Variants in UNC5C observed in about 807,000 individuals in gnomAD.
UNC5C encodes the protein unc-5 netrin receptor C, also known as netrin receptor UNC5C.
A neutral mutation model predicts 99.8 loss-of-function variants in UNC5C; 47 were observed. The ratio of observed to expected loss-of-function variants is 0.47; its 90% CI spans 0.37 to 0.60. The LOEUF is 0.60. Ranked by LOEUF, UNC5C falls within the 20% of genes least tolerant of loss-of-function variation. UNC5C has a pLI of 0.00. For missense variants in UNC5C, 1,062 were observed against 1,165.9 expected, an observed-to-expected ratio of 0.91 and a Z score of 1.30; for synonymous variants, 487 against 452.2, an observed-to-expected ratio of 1.08 and a Z score of -0.98.
chr4:95,328,869 C>T (rs1280767239), intron 2 of UNC5C, among the ~76,000 whole-genome samples: 1 of 152,166 alleles, frequency 6.6e-6, no homozygotes, highest in Non-Finnish European at 1.5e-5. Context: ...CTGCTGCAGG[C>T]TGGTAAAGGG....
chr4:95,432,685 A>G (rs1200005146), intron 1 of UNC5C, among the ~76,000 whole-genome samples: 1 of 152,120 alleles, frequency 6.6e-6, no homozygotes, highest in African/African-American at 2.4e-5. Context: ...CCCCTGATTT[A>G]CTGATTTAAT....
At chr4:95,499,022 A>G (rs988076226) in intron 1 of UNC5C, among the ~76,000 whole-genome samples, 4 of 152,098 alleles carry the variant, frequency 2.6e-5, no homozygotes, top group East Asian at 1.9e-4. Flanking sequence ...CCTCATGGAC[A>G]TGGAAGAAAA....
Position 95,359,482 on chromosome 4 carries a change from T to C in UNC5C, c.125-23851A>G, listed in dbSNP as rs1024528827. ...AGTTTAATAATTGCTACCTATACTG[T>C]TTCTAAAAAAAAAAAAGGTGAGAGA... On this transcript the variant is annotated intron_variant, in intron 1 of 15. Coordinates refer to ENST00000453304, the MANE Select transcript of UNC5C (RefSeq NM_003728.4). Among the ~76,000 whole-genome samples the C allele has an allele frequency of 2.1e-5, 3 of 145,586 alleles. No homozygotes were observed. In the South Asian group the frequency reaches 6.6e-4, roughly 32 times the overall value.
chr4:95,313,384 G>A (rs137942301), intron 2 of UNC5C, among the ~76,000 whole-genome samples: 73 of 152,012 alleles, frequency 4.8e-4, no homozygotes, highest in Non-Finnish European at 8.5e-4. Flanking sequence ...AGTAAACAAG[G>A]ATACACTGAC....
At chr4:95,231,285 A>G (rs113254004) in intron 7 of UNC5C, among the ~76,000 whole-genome samples, 14 of 152,146 alleles carry the variant, frequency 9.2e-5, no homozygotes, top group African/African-American at 3.4e-4. Flanking sequence ...TATGACCTTA[A>G]TACCCGTAAA....
intron 1 of UNC5C, among the ~76,000 whole-genome samples, chr4:95,398,976 T>G (rs1745605523): frequency 6.6e-6 from 1 of 152,170 alleles, no homozygotes; most frequent in Non-Finnish European, 1.5e-5. Context: ...CTCCATGAAT[T>G]CTCTGAATAA....
At chr4:95,530,884 C>T (rs1370736192) in intron 1 of UNC5C, among the ~76,000 whole-genome samples, 4 of 152,068 alleles carry the variant, frequency 2.6e-5, no homozygotes, top group Admixed American at 2.0e-4. Context: ...AATCAAGATT[C>T]GATGACCTTT....
chr4:95,405,586 T>G (rs988125069), intron 1 of UNC5C, among the ~76,000 whole-genome samples: 16 of 152,178 alleles, frequency 1.1e-4, no homozygotes, highest in African/African-American at 3.9e-4. Flanking sequence ...AAGAAAATCC[T>G]TGAAATCTCA....
chr4:95,278,421 G>C, intron 3 of UNC5C, 59 bp from the exon 4 acceptor site: 1 of 1,426,272 alleles, frequency 7.0e-7, no homozygotes. Context: ...CTCATTTACA[G>C]AGAGTACAAA....
intron 13 of UNC5C, among the ~76,000 whole-genome samples, chr4:95,184,613 T>C (rs187984520): frequency 4.1e-4 from 62 of 152,322 alleles, no homozygotes; most frequent in Admixed American, 9.2e-4. Flanking sequence ...TTACATGCTA[T>C]TTCAGTTCTC....
chr4:95,534,928 G>A (rs551458286), intron 1 of UNC5C, among the ~76,000 whole-genome samples: 1 of 152,210 alleles, frequency 6.6e-6, no homozygotes, highest in Non-Finnish European at 1.5e-5. Context: ...CAGTGAGGAA[G>A]GTTAATTGTT....
intron 1 of UNC5C, among the ~76,000 whole-genome samples, chr4:95,472,980 G>A (rs1748020400): frequency 6.6e-6 from 1 of 150,902 alleles, no homozygotes; most frequent in African/African-American, 2.4e-5. Flanking sequence ...TATCCCTTAT[G>A]CTCCACTGAA....
intron 7 of UNC5C, among the ~76,000 whole-genome samples, chr4:95,220,633 T>C (rs1158615910): frequency 1.3e-5 from 2 of 152,202 alleles, no homozygotes; most frequent in Non-Finnish European, 2.9e-5. Context: ...TAAGTATCAC[T>C]CCAAGTCATA....
intron 1 of UNC5C, among the ~76,000 whole-genome samples, chr4:95,493,818 C>A (rs1238184595): frequency 6.6e-6 from 1 of 151,352 alleles, no homozygotes; most frequent in South Asian, 2.1e-4. Context: ...GACTGATCAA[C>A]AATATTCCAA....
At chr4:95,306,243 C>A (rs1488499582) in intron 2 of UNC5C, among the ~76,000 whole-genome samples, 1 of 151,906 alleles carries the variant, frequency 6.6e-6, no homozygotes, top group Non-Finnish European at 1.5e-5. Flanking sequence ...TGCTCTGTCA[C>A]CCAGGCTGGA....
intron 1 of UNC5C, among the ~76,000 whole-genome samples, chr4:95,408,903 G>A (rs1329286142): frequency 2.0e-5 from 3 of 152,100 alleles, no homozygotes; most frequent in African/African-American, 7.2e-5. Context: ...CCTTTCACTT[G>A]GGAGCCTATG....
chr4:95,438,328 T>C (rs374345634), intron 1 of UNC5C, among the ~76,000 whole-genome samples: 20 of 152,202 alleles, frequency 1.3e-4, no homozygotes, highest in African/African-American at 4.6e-4. Context: ...CACATATCAA[T>C]ATTTATCAGT....
At chr4:95,426,641 C>T (rs184875047) in intron 1 of UNC5C, among the ~76,000 whole-genome samples, 90 of 152,280 alleles carry the variant, frequency 5.9e-4, no homozygotes, top group African/African-American at 2.0e-3. Flanking sequence ...CCAGTGAACA[C>T]ACGAATGAAA....
At chr4:95,538,804 A>T (rs1260549658) in intron 1 of UNC5C, among the ~76,000 whole-genome samples, 1 of 152,180 alleles carries the variant, frequency 6.6e-6, no homozygotes, top group African/African-American at 2.4e-5. Flanking sequence ...TACAGTAGTG[A>T]ATATAAGTAA....
Sources: gnomAD v4.1 joint callset for allele counts (sites outside exome capture counted in the v4.1 genomes callset) on GRCh38, gnomAD v4.1.1 for gene constraint, MANE v1.5 for transcripts, NCBI Gene and HGNC (gene_info 2026-07-23, HGNC 2026-07-21) for gene names.